Variants in ASIC4 observed in about 807,000 individuals in gnomAD.
ASIC4 encodes the protein acid-sensing ion channel 4.
Under a neutral mutation model 53.4 loss-of-function variants are expected in ASIC4, and 28 were observed. The ratio of observed to expected loss-of-function variants is 0.52; its 90% CI spans 0.39 to 0.72. The LOEUF (loss-of-function observed/expected upper bound fraction) is 0.72. ASIC4 is among the 30% of genes least tolerant of loss of function. The pLI is 0.00. For missense variants in ASIC4, 649 were observed against 729.7 expected (o/e 0.89, Z 1.27); for synonymous variants, 289 against 301.4 (o/e 0.96, Z 0.43).
Position 219,535,247 on chromosome 2 carries a change from C to T in ASIC4, c.1152C>T (p.Ile384=). ...ACCTGACACGCTATGGGAAAGAGAT[C>T]TCCATGGTCAGGATCCCCAACAGGG... ...PCNLTRYGKE[I]SMVRIPNRGS... Residue 384 remains isoleucine (I), a synonymous_variant, in exon 6 of 10, where the codon ATC becomes ATT. Coordinates refer to ENST00000358078, the MANE Select transcript of ASIC4 (RefSeq NM_018674.6). 6.2e-7 allele frequency: 1 copy of T among 1,614,052 alleles called. No homozygotes were observed. Among genetic ancestry groups the T allele is most frequent in the East Asian group, 2.2e-5 (1 of 44,874 alleles).
chr2:219,518,833 C>T lies in ASIC4; in HGVS notation c.582+3527C>T, dbSNP rs1224973031. 2.6e-5 allele frequency among the ~76,000 whole-genome samples: 4 copies of T among 152,224 alleles called. No individual in the cohort carries two copies. The highest frequency in any genetic ancestry group is 1.9e-4 in the East Asian group (1 of 5,194). On this transcript the variant is annotated intron_variant, in intron 1 of 9. Coordinates refer to ENST00000358078, the MANE Select transcript of ASIC4 (RefSeq NM_018674.6). The surrounding 1 kb of genome is among the most constrained non-coding windows in gnomAD (Gnocchi z 4.8). ...CTGGGGACCACCAGGATTCGAACCT[C>T]GGCTCTACGCATTAAGCTGTGTGGC...
intron 1 of ASIC4, 30 bp downstream of exon 1, chr2:219,515,336 T>C: frequency 1.9e-6 from 3 of 1,586,960 alleles, no homozygotes; most frequent in Non-Finnish European, 2.6e-6. Flanking sequence ...CTGCCTGGCC[T>C]TGGATGGCCG....
At chr2:219,525,048 CA>C (rs1242467828) in intron 1 of ASIC4, among the ~76,000 whole-genome samples, 1 of 152,230 alleles carries the variant, frequency 6.6e-6, no homozygotes, top group Non-Finnish European at 1.5e-5. Flanking sequence ...GAGGTTTAAT[CA>C]CACATCTGAG....
At chr2:219,509,180 CT>C (rs1694665535), upstream of ASIC4, among the ~76,000 whole-genome samples, 1 of 152,162 alleles carries the variant, frequency 6.6e-6, no homozygotes, top group African/African-American at 2.4e-5. This position sits in a 1 kb window ranked among gnomAD's most constrained non-coding sequence, Gnocchi z 5.2. Flanking sequence ...TCCCCTCCCC[CT>C]GGCACTTAGC....
chr2:219,515,559 C>G (rs1694773126), intron 1 of ASIC4, among the ~76,000 whole-genome samples: 1 of 152,250 alleles, frequency 6.6e-6, no homozygotes, highest in South Asian at 2.1e-4. Flanking sequence ...CTGCAGTGCC[C>G]AGGTCTGGGA....
Position 219,532,914 on chromosome 2 carries a change from C to T in ASIC4, c.1050C>T (p.Tyr350=), listed in dbSNP as rs573970812. The part of the protein sequence containing the change: ...GNETICPPNI[Y]IECADHTLDS... ...AGACCATCTGCCCACCAAATATCTA[C>T]ATCGAGTGTGCAGACCACACACTGG... The change falls in exon 5 of 10, where the codon TAC becomes TAT. Residue 350 remains tyrosine, a synonymous_variant. Coordinates refer to ENST00000358078, the MANE Select transcript of ASIC4 (RefSeq NM_018674.6). 6.2e-7 allele frequency: 1 copy of T among 1,613,988 alleles called. No homozygotes were observed. Among genetic ancestry groups the T allele is most frequent in the Non-Finnish European group, 8.5e-7 (1 of 1,180,002 alleles).
At chr2:219,515,774 G>C (rs540869934) in intron 1 of ASIC4, among the ~76,000 whole-genome samples, 1 of 152,204 alleles carries the variant, frequency 6.6e-6, no homozygotes, top group East Asian at 1.9e-4. Flanking sequence ...GAAGGACCCC[G>C]GGTGGCCTCC....
intron 4 of ASIC4, 146 bp from the exon 5 acceptor site, chr2:219,532,736 AT>A: frequency 2.2e-6 from 2 of 892,280 alleles, no homozygotes; most frequent in Non-Finnish European, 3.5e-6. Flanking sequence ...GTGGTTGCGT[AT>A]TTGTGGGGGT....
In ASIC4 at chr2:219,535,332, TG is replaced by T; in HGVS notation, c.1229+9del. 1 of 1,552,306 alleles carries T rather than the reference TG, an allele frequency of 6.4e-7. No homozygotes were observed. Reference sequence around the variant, plus strand: ...CAACGAGACCTACATACGGTATGTGTGTGTGTGTGTGGGGGGTGGCTGTGTG... The same window carrying T: ...CAACGAGACCTACATACGGTATGTGTTGTGTGTGTGGGGGGTGGCTGTGTG... On this transcript the variant is annotated intron_variant, in intron 6 of 9. Transcript: ENST00000358078.
Position 219,532,389 on chromosome 2 carries a change from C to T in ASIC4, c.930C>T (p.Tyr310=), listed in dbSNP as rs1695057123. The T allele has an allele frequency of 6.2e-7, 1 of 1,614,162 alleles. No homozygotes were observed. ...SELREPELQG[Y]SAYSVSACRL... ...TCAGGGAGCCTGAGCTTCAGGGCTA[C>T]TCGGCCTACAGTGTGTCTGCCTGCC... The change falls in exon 4 of 10, where the codon TAC becomes TAT. Residue 310 remains tyrosine, a synonymous_variant. Transcript: ENST00000358078.
In ASIC4 at chr2:219,536,926, C is replaced by G; in HGVS notation, c.1230-140C>G. 1 of 691,982 alleles carries G rather than the reference C, an allele frequency of 1.4e-6. No homozygotes were observed. The highest frequency in any genetic ancestry group is 1.8e-5 in the South Asian group (1 of 54,350). 42.9% of individuals were successfully genotyped at this position (691,982 alleles called of 1,614,324 possible). Reference sequence around the variant, plus strand: ...ACACATCCGGGACTGCCTCCCCTCACAGCCTTGGGGAGTCCGGGGGGTAGT... The same window carrying G: ...ACACATCCGGGACTGCCTCCCCTCAGAGCCTTGGGGAGTCCGGGGGGTAGT... On this transcript the variant is annotated intron_variant, in intron 6 of 9. Coordinates refer to ENST00000358078, the MANE Select transcript of ASIC4 (RefSeq NM_018674.6). This position sits in a 1 kb window ranked among gnomAD's most constrained non-coding sequence, Gnocchi z 4.6.
At chr2:219,532,998 C>G in intron 5 of ASIC4, 59 bp downstream of exon 5, 1 of 1,519,052 alleles carries the variant, frequency 6.6e-7, no homozygotes, top group Non-Finnish European at 9.1e-7. Flanking sequence ...TCTGTCCACT[C>G]TTCTCCTCAC....
chr2:219,532,771 T>C (rs1286082861), intron 4 of ASIC4, 112 bp from the exon 5 acceptor site: 13 of 1,086,808 alleles, frequency 1.2e-5, no homozygotes, highest in Non-Finnish European at 1.5e-5. Flanking sequence ...TTCAAGCACA[T>C]TTATGCAAAT....
At chr2:219,510,122 C>T (rs1438261642), upstream of ASIC4, among the ~76,000 whole-genome samples, 1 of 152,016 alleles carries the variant, frequency 6.6e-6, no homozygotes, top group Non-Finnish European at 1.5e-5. The surrounding 1 kb of genome is among the most constrained non-coding windows in gnomAD (Gnocchi z 5.2). Context: ...GAAACCCTGC[C>T]GTCTTCACAG....
At chr2:219,519,291 A>T (rs1168449643) in intron 1 of ASIC4, among the ~76,000 whole-genome samples, 1 of 152,212 alleles carries the variant, frequency 6.6e-6, no homozygotes, top group Non-Finnish European at 1.5e-5. Flanking sequence ...ACTCTGTGTA[A>T]GCGTCAGCTG....
intron 1 of ASIC4, among the ~76,000 whole-genome samples, chr2:219,522,892 G>C (rs1157107371): frequency 6.6e-6 from 1 of 152,186 alleles, no homozygotes; most frequent in African/African-American, 2.4e-5. Context: ...CAGGAGATGG[G>C]AGGGAGGGCG....
chr2:219,538,042 G>T lies in ASIC4; in HGVS notation c.1616G>T (p.Cys539Phe), dbSNP rs1368313385. 1 of 1,612,052 alleles carries T rather than the reference G, an allele frequency of 6.2e-7. No homozygotes were observed. Among genetic ancestry groups the T allele is most frequent in the East Asian group, 2.2e-5 (1 of 44,846 alleles). ...GGAGGTCTCTTTGAAGATTTTGCTT[G>T]CTAGGACGGTGCTGTGACTGAAAGG... ...PPGGLFEDFA[C>F] is the part of the protein sequence containing the mutation. Residue 539 changes from cysteine to phenylalanine, a missense_variant, in exon 10 of 10, where the codon TGC becomes TTC. Cys to Phe is a radical substitution (Grantham distance 205). Transcript: ENST00000358078.
In ASIC4 at chr2:219,514,497, C is replaced by T. The variant is rs377477352; in HGVS notation, c.-228C>T. On this transcript the variant is annotated 5_prime_UTR_variant, in exon 1 of 10. Transcript: ENST00000358078. ...GGAGACGATCGAGGAGAGAGACAAG[C>T]GGCAGCAGAGGCAGCAGCGGCAGAG... 22 of 1,550,682 alleles carry T rather than the reference C, an allele frequency of 1.4e-5. No individual in the cohort carries two copies. In the African/African-American group the frequency reaches 2.5e-4, roughly 17 times the overall value.
Position 219,519,312 on chromosome 2 carries a change from C to T in ASIC4, c.582+4006C>T, listed in dbSNP as rs571935085. 5.7e-4 allele frequency among the ~76,000 whole-genome samples: 87 copies of T among 152,298 alleles called. 1 individual carries two copies. Among genetic ancestry groups the T allele is most frequent in the Non-Finnish European group, 1.5e-4 (10 of 68,036 alleles). ...TGTAAGCGTCAGCTGTTATAAATGC[C>T]GCCACCCCAACTGCTGGCTATCTTT... On this transcript the variant is annotated intron_variant, in intron 1 of 9. Coordinates refer to ENST00000358078, the MANE Select transcript of ASIC4 (RefSeq NM_018674.6).
Sources: allele counts gnomAD v4.1 joint callset (sites outside exome capture counted in the v4.1 genomes callset), GRCh38; gene constraint gnomAD v4.1.1; non-coding constraint Gnocchi (gnomAD v3.1); transcripts MANE v1.5; gene names NCBI Gene and HGNC (gene_info 2026-07-23, HGNC 2026-07-21).